Variants in SYNE2 observed in about 807,000 individuals in gnomAD.
SYNE2 encodes the protein nesprin-2.
In SYNE2, 431 loss-of-function variants were observed where a neutral mutation model predicts 856.3. The observed-to-expected ratio is 0.50, with a 90% CI of 0.47 to 0.55. SYNE2 has a LOEUF of 0.55. Among genes scored for constraint, SYNE2 ranks in the 20% least tolerant of loss-of-function variants. The pLI is 0.00. For synonymous variants in SYNE2, 2,923 were observed against 2,872.3 expected (o/e 1.02, Z -0.56); for missense variants, 8,129 against 8,023.2 (o/e 1.01, Z -0.50).
intron 53 of SYNE2, 26 bp from the exon 54 acceptor site, chr14:64,075,919 T>TATTG: frequency 6.2e-7 from 1 of 1,613,024 alleles, no homozygotes; most frequent in South Asian, 1.1e-5. Flanking sequence ...GTCTCGTGAG[T>TATTG]ATTGCAACTC....
intron 1 of SYNE2, among the ~76,000 whole-genome samples, chr14:63,802,695 G>A (rs1888190891): frequency 6.6e-6 from 1 of 152,128 alleles, no homozygotes; most frequent in Non-Finnish European, 1.5e-5. Context: ...ATCTCTTAAC[G>A]TGGCGCGTCT....
intron 61 of SYNE2, among the ~76,000 whole-genome samples, chr14:64,097,199 C>T (rs1391285701): frequency 1.3e-5 from 2 of 152,130 alleles, no homozygotes; most frequent in Admixed American, 6.5e-5. Flanking sequence ...AGTAACATCA[C>T]GAAGCTTGAG....
chr14:63,937,175 C>A (rs2095844479), intron 2 of SYNE2, among the ~76,000 whole-genome samples: 1 of 152,104 alleles, frequency 6.6e-6, no homozygotes, highest in African/African-American at 2.4e-5. Flanking sequence ...TGGCAGGGAC[C>A]TAATCGGTAT....
rs374123982 is a variant in SYNE2 at position 64,017,635 on chromosome 14, G to A, written c.4928G>A (p.Arg1643Gln). 1.1e-5 allele frequency: 17 copies of A among 1,613,094 alleles called. No individual in the cohort carries two copies. In the African/African-American group the frequency reaches 1.2e-4, roughly 11 times the overall value. ...GAAGATTACTATGAAAATCTTGGTC[G>A]AGCTCTAGCTTTGTGGGACAAACTT... The part of the protein sequence containing the change: ...KTEDYYENLG[R>Q]ALALWDKLFN... The change falls in exon 34 of 116, where the codon CGA becomes CAA. Residue 1643 changes from arginine to glutamine, a missense_variant. By Grantham distance (43) the Arg-to-Gln change is conservative. Transcript: ENST00000555002.
chr14:63,787,159 C>G (rs1390884326), intron 1 of SYNE2, among the ~76,000 whole-genome samples: 1 of 152,180 alleles, frequency 6.6e-6, no homozygotes, highest in Non-Finnish European at 1.5e-5. Context: ...TATCGACAAT[C>G]TCAAATATTT....
chr14:64,014,769 G>A (rs1366479935), intron 32 of SYNE2, among the ~76,000 whole-genome samples: 1 of 151,446 alleles, frequency 6.6e-6, no homozygotes. Flanking sequence ...TTTCAGAGCG[G>A]TTTTACCATT....
At chr14:63,920,799 A>G (rs2095591050) in intron 2 of SYNE2, among the ~76,000 whole-genome samples, 1 of 151,966 alleles carries the variant, frequency 6.6e-6, no homozygotes, top group African/African-American at 2.4e-5. Flanking sequence ...TGGGAGAAGG[A>G]GAGGGAAGGA....
Position 64,062,833 on chromosome 14 carries a change from C to A in SYNE2, c.10150C>A (p.Gln3384Lys), listed in dbSNP as rs773587283. ...NLSKMETVLG[Q>K]SMSSLPLSYR... ...CAGCAAAATGGAGACAGTTCTTGGA[C>A]AGTCCATGTCCTCGTTGCCACTGTC... Residue 3384 changes from glutamine (Q) to lysine (K), a missense_variant, in exon 50 of 116, where the codon CAG becomes AAG. Around this residue, in one of 3 missense-constraint regions of SYNE2, gnomAD observed 5,410 missense variants for 5,284.8 expected, o/e 1.02. Coordinates refer to ENST00000555002, the MANE Select transcript of SYNE2 (RefSeq NM_182914.3). The A allele has an allele frequency of 6.2e-7, 1 of 1,614,116 alleles. No homozygotes were observed. Among genetic ancestry groups the A allele is most frequent in the South Asian group, 1.1e-5 (1 of 91,084 alleles).
intron 1 of SYNE2, among the ~76,000 whole-genome samples, chr14:63,762,912 ATTTTC>A (rs1353041772): frequency 7.2e-5 from 11 of 152,180 alleles, no homozygotes; most frequent in African/African-American, 2.2e-4. Context: ...TTATGCTGTA[ATTTTC>A]TTTACTTTTT....
chr14:64,090,707 G>T (rs536670734), intron 59 of SYNE2, among the ~76,000 whole-genome samples, 159 bp from the exon 60 acceptor site: 5 of 152,234 alleles, frequency 3.3e-5, no homozygotes, highest in Non-Finnish European at 7.4e-5. Flanking sequence ...TCAACTCCCG[G>T]ATCATGAGTG....
chr14:63,876,906 T>G (rs2094736681), intron 1 of SYNE2, among the ~76,000 whole-genome samples: 1 of 152,198 alleles, frequency 6.6e-6, no homozygotes, highest in Non-Finnish European at 1.5e-5. Flanking sequence ...GAAACCACTG[T>G]CCGTGGATAC....
intron 1 of SYNE2, among the ~76,000 whole-genome samples, chr14:63,863,953 C>G (rs1253875273): frequency 6.6e-6 from 1 of 152,080 alleles, no homozygotes; most frequent in South Asian, 2.1e-4. Context: ...TCCTGAATAG[C>G]TGGGATTACA....
At chr14:63,895,117 T>C (rs113071474) in intron 1 of SYNE2, among the ~76,000 whole-genome samples, 165 of 151,992 alleles carry the variant, frequency 1.1e-3, no homozygotes, top group African/African-American at 3.8e-3. Flanking sequence ...TTCTTTTTTT[T>C]TTTTTTGAGA....
chr14:64,100,514 CAAAAAAAAAA>C (rs35489245), intron 63 of SYNE2, among the ~76,000 whole-genome samples: 2 of 23,762 alleles, frequency 8.4e-5, no homozygotes, highest in South Asian at 1.6e-3. Flanking sequence ...AAAACTGTCT[CAAAAAAAAAA>C]AAAAAAAATA....
chr14:63,774,809 CT>C (rs1226707392), intron 1 of SYNE2, among the ~76,000 whole-genome samples: 1 of 151,980 alleles, frequency 6.6e-6, no homozygotes, highest in East Asian at 1.9e-4. Flanking sequence ...AATTGCATGG[CT>C]TAAACAACAG....
At chr14:63,975,335 A>G (rs1371341756) in intron 11 of SYNE2, among the ~76,000 whole-genome samples, 3 of 150,622 alleles carry the variant, frequency 2.0e-5, no homozygotes, top group African/African-American at 7.3e-5. Flanking sequence ...TATGTGTATT[A>G]TTTTGTTTTG....
At chr14:64,100,880 C>T (rs1202842942) in intron 63 of SYNE2, among the ~76,000 whole-genome samples, 2 of 150,272 alleles carry the variant, frequency 1.3e-5, no homozygotes, top group Admixed American at 6.6e-5. Context: ...TTTTACATTC[C>T]ACATTAAAGG....
intron 1 of SYNE2, among the ~76,000 whole-genome samples, chr14:63,802,922 C>T (rs191154479): frequency 6.6e-6 from 1 of 152,194 alleles, no homozygotes; most frequent in Non-Finnish European, 1.5e-5. Flanking sequence ...TGTTACAGCT[C>T]ATAAAAGCAG....
chr14:64,177,597 A>G (rs1179487402), intron 96 of SYNE2, 114 bp downstream of exon 96: 1 of 1,380,742 alleles, frequency 7.2e-7, no homozygotes, highest in Non-Finnish European at 1.0e-6. Context: ...TCAATCAGAA[A>G]ATATTTTCCC....
Sources: gnomAD v4.1 joint callset for allele counts (sites outside exome capture counted in the v4.1 genomes callset) on GRCh38, gnomAD v4.1.1 for gene constraint, gnomAD v4.1.1 regional missense constraint, MANE v1.5 for transcripts, NCBI Gene and HGNC (gene_info 2026-07-23, HGNC 2026-07-21) for gene names.